The following COL4A1 variants were observed in gnomAD, a reference collection of about 807,000 sequenced individuals.
The protein encoded by COL4A1 is collagen type IV alpha 1 chain.
COL4A1 carries 40 observed loss-of-function variants against 216.6 expected under a neutral mutation model. The observed-to-expected ratio is 0.18, with a 90% CI of 0.14 to 0.24. The LOEUF (loss-of-function observed/expected upper bound fraction) is 0.24, where lower values mean the gene tolerates loss of function less well. Ranked by LOEUF, COL4A1 falls within the 10% of genes least tolerant of loss-of-function variation. The pLI is 1.00. For missense variants in COL4A1, 1,628 were observed against 2,196.8 expected, an observed-to-expected ratio of 0.74 and a Z score of 5.18; for synonymous variants, 839 against 810.7, an observed-to-expected ratio of 1.03 and a Z score of -0.59.
chr13:110,295,286 T>C (rs9301444), intron 1 of COL4A1, among the ~76,000 whole-genome samples: 1 of 148,144 alleles, frequency 6.8e-6, no homozygotes, highest in Non-Finnish European at 1.5e-5. Context: ...TGAGACGGAG[T>C]TTGTACAGAG....
At position 110,222,501 on chromosome 13, in the gene COL4A1, C is replaced by T. The variant is rs546626681; in HGVS notation, c.145-8486G>A. Among the ~76,000 whole-genome samples the T allele has an allele frequency of 1.1e-4, 15 of 136,526 alleles. 1 individual carries two copies. Among genetic ancestry groups the T allele is most frequent in the Admixed American group, 2.4e-4 (3 of 12,658 alleles). The allele number at this position is 136,526 out of a possible 152,430, so 89.6% of individuals were successfully genotyped here. On this transcript the variant is annotated intron_variant, in intron 2 of 51. Coordinates refer to ENST00000375820, the MANE Select transcript of COL4A1 (RefSeq NM_001845.6). ...AATTAAGGCTTTTTCAGGCCGGGCG[C>T]GGTGGCTCACGCCTGTAATCCTAGC...
Position 110,205,420 on chromosome 13 carries a change from G to C in COL4A1, c.904-14C>G, listed in dbSNP as rs370532499. 132 of 1,613,620 alleles carry C rather than the reference G, an allele frequency of 8.2e-5. No individual in the cohort carries two copies. The highest frequency in any genetic ancestry group is 1.1e-4 in the Non-Finnish European group (129 of 1,180,046). On this transcript the variant is annotated splice_polypyrimidine_tract_variant and intron_variant, in intron 16 of 51. Coordinates refer to ENST00000375820, the MANE Select transcript of COL4A1 (RefSeq NM_001845.6). ...ACCAGGAAAACCCTGAAACCGAAGA[G>C]AGAAGCAGTAACCGTCAGAGGCCAG...
intron 50 of COL4A1, among the ~76,000 whole-genome samples, chr13:110,154,241 T>C (rs1876657430): frequency 1.3e-5 from 2 of 152,242 alleles, no homozygotes; most frequent in Admixed American, 6.5e-5. Flanking sequence ...ATCTTACAAG[T>C]TCACGGCTTG....
At chr13:110,213,895 C>A in intron 3 of COL4A1, 31 bp downstream of exon 3, 1 of 1,612,662 alleles carries the variant, frequency 6.2e-7, no homozygotes, top group Non-Finnish European at 8.5e-7. Flanking sequence ...ATCTTACATC[C>A]ACCCACCCCC....
chr13:110,187,380 A>T, intron 24 of COL4A1, 51 bp from the exon 25 acceptor site: 1 of 1,597,860 alleles, frequency 6.3e-7, no homozygotes, highest in South Asian at 1.1e-5. Flanking sequence ...CATGAAGCAC[A>T]CCAGTGTGAC....
chr13:110,286,709 G>A (rs968001539), intron 1 of COL4A1, among the ~76,000 whole-genome samples: 3 of 152,184 alleles, frequency 2.0e-5, no homozygotes, highest in Admixed American at 6.5e-5. Context: ...CATGAGCCCC[G>A]GCTCTGCAGC....
chr13:110,238,252 A>G (rs749811409), intron 2 of COL4A1, among the ~76,000 whole-genome samples: 15 of 152,250 alleles, frequency 9.9e-5, no homozygotes, highest in Non-Finnish European at 2.2e-4. Context: ...GTCACTACTC[A>G]CTAGAAATGC....
At chr13:110,305,259 C>A (rs756110317) in intron 1 of COL4A1, among the ~76,000 whole-genome samples, 1 of 152,116 alleles carries the variant, frequency 6.6e-6, no homozygotes, top group African/African-American at 2.4e-5. Flanking sequence ...AAGACAGTGG[C>A]CGGGAATGTA....
At chr13:110,240,224 A>C (rs1021082070) in intron 2 of COL4A1, among the ~76,000 whole-genome samples, 21 of 152,154 alleles carry the variant, frequency 1.4e-4, no homozygotes, top group Non-Finnish European at 2.2e-4. Flanking sequence ...AAATTAAAAA[A>C]AAACAGTAAG....
chr13:110,266,858 C>A (rs595325), intron 1 of COL4A1, among the ~76,000 whole-genome samples: 124,145 of 152,172 alleles, frequency 0.82, 50,747 homozygotes, highest in East Asian at 0.99. Context: ...CAATTGATGA[C>A]TCTCAAGTGG....
chr13:110,231,548 G>A (rs1881063672), intron 2 of COL4A1, among the ~76,000 whole-genome samples: 1 of 152,146 alleles, frequency 6.6e-6, no homozygotes, highest in Admixed American at 6.5e-5. Flanking sequence ...CCTCCCTGGA[G>A]GTCTTAGCAG....
chr13:110,228,083 C>T (rs746720611), intron 2 of COL4A1, among the ~76,000 whole-genome samples: 9 of 152,176 alleles, frequency 5.9e-5, no homozygotes, highest in Non-Finnish European at 1.2e-4. Flanking sequence ...GGGACATACA[C>T]GCGCCTTACA....
intron 1 of COL4A1, among the ~76,000 whole-genome samples, chr13:110,277,618 A>G (rs1883478328): frequency 6.6e-6 from 1 of 152,160 alleles, no homozygotes; most frequent in African/African-American, 2.4e-5. Context: ...AGACCTCACC[A>G]CCACACAGTA....
Position 110,187,781 on chromosome 13 carries a change from G to A in COL4A1, c.1537-452C>T, listed in dbSNP as rs545944964. On this transcript the variant is annotated intron_variant, in intron 24 of 51. Coordinates refer to ENST00000375820, the MANE Select transcript of COL4A1 (RefSeq NM_001845.6). ...CTCTGCCTGCTGCCTCAGCCCCACC[G>A]GCAGCACGCAGAAGCCTTTTCTCCA... Among the ~76,000 whole-genome samples, 11 of 152,234 alleles carry A rather than the reference G, an allele frequency of 7.2e-5. No homozygotes were observed. The East Asian group carries it at 1.9e-3, about 27-fold the overall frequency.
chr13:110,176,362 G>T, intron 36 of COL4A1, 62 bp downstream of exon 36: 2 of 1,117,312 alleles, frequency 1.8e-6, no homozygotes, highest in Non-Finnish European at 2.7e-6. Context: ...TCATTCTGCA[G>T]ACATGCCCTA....
At chr13:110,276,260 T>G (rs1454531615) in intron 1 of COL4A1, among the ~76,000 whole-genome samples, 1 of 152,196 alleles carries the variant, frequency 6.6e-6, no homozygotes, top group Non-Finnish European at 1.5e-5. Context: ...AAAACCTGCA[T>G]GTGTACCACC....
chr13:110,165,091 G>A (rs1357972947), intron 45 of COL4A1, 101 bp from the exon 46 acceptor site: 26 of 1,517,068 alleles, frequency 1.7e-5, no homozygotes, highest in East Asian at 7.2e-5. Flanking sequence ...CAAATGGAAC[G>A]TACTTCTCAA....
chr13:110,175,017 T>C lies in COL4A1; in HGVS notation c.3198+201A>G, dbSNP rs1483917953. 2.6e-5 allele frequency among the ~76,000 whole-genome samples: 4 copies of C among 152,268 alleles called. No individual in the cohort carries two copies. In the East Asian group the frequency reaches 5.8e-4, roughly 22 times the overall value. On this transcript the variant is annotated intron_variant, in intron 37 of 51. Transcript: ENST00000375820. Reference sequence around the variant, plus strand: ...TCCCACTGACAGCTGTCTCCCACCTTAGCCTCTCACCAGTCTCTAGATTCT... The same window carrying C: ...TCCCACTGACAGCTGTCTCCCACCTCAGCCTCTCACCAGTCTCTAGATTCT...
At chr13:110,230,426 C>G (rs1381796008) in intron 2 of COL4A1, among the ~76,000 whole-genome samples, 1 of 152,084 alleles carries the variant, frequency 6.6e-6, no homozygotes, top group Non-Finnish European at 1.5e-5. Flanking sequence ...CCTGGAAAAT[C>G]ACACAGGTGT....
Sources: gnomAD v4.1 joint callset for allele counts (sites outside exome capture counted in the v4.1 genomes callset) on GRCh38, gnomAD v4.1.1 for gene constraint, MANE v1.5 for transcripts, NCBI Gene and HGNC (gene_info 2026-07-23, HGNC 2026-07-21) for gene names.